The following TMEM163 variants were observed in gnomAD, a reference collection of about 807,000 sequenced individuals.
TMEM163 encodes the protein transmembrane protein 163.
Under a neutral mutation model 29.3 loss-of-function variants are expected in TMEM163, and 17 were observed. The ratio of observed to expected loss-of-function variants is 0.58; its 90% CI spans 0.40 to 0.87. TMEM163 has a LOEUF of 0.87. Among genes scored for constraint, TMEM163 ranks in the 40% least tolerant of loss-of-function variants. The probability of loss-of-function intolerance (pLI) is 0.00; values close to 1 mark genes in which losing one functional copy is unlikely to be tolerated. For missense variants in TMEM163, 303 were observed against 381.5 expected (o/e 0.79, Z 1.71); for synonymous variants, 157 against 160.6 (o/e 0.98, Z 0.17).
At chr2:134,543,803 G>A (rs1292571162) in intron 4 of TMEM163, among the ~76,000 whole-genome samples, 1 of 152,122 alleles carries the variant, frequency 6.6e-6, no homozygotes, top group Non-Finnish European at 1.5e-5. Flanking sequence ...CGGTGGGCCT[G>A]TCTATTTCAC....
chr2:134,471,664 G>C (rs1484901110), intron 5 of TMEM163, among the ~76,000 whole-genome samples: 1 of 152,188 alleles, frequency 6.6e-6, no homozygotes, highest in Non-Finnish European at 1.5e-5. Flanking sequence ...AGCAGACATG[G>C]AGACATGGCT....
chr2:134,519,339 A>AT (rs369430089), intron 4 of TMEM163, among the ~76,000 whole-genome samples: 1 of 152,264 alleles, frequency 6.6e-6, no homozygotes, highest in East Asian at 1.9e-4. Context: ...GGCAGCCTTG[A>AT]TAAGTCTGTC....
At chr2:134,636,627 C>A (rs1683110708) in intron 2 of TMEM163, among the ~76,000 whole-genome samples, 1 of 152,182 alleles carries the variant, frequency 6.6e-6, no homozygotes, top group Non-Finnish European at 1.5e-5. Context: ...CCAAAACAAA[C>A]CTCCTTCTTG....
chr2:134,511,937 C>G (rs772449107), intron 4 of TMEM163, among the ~76,000 whole-genome samples: 8 of 152,170 alleles, frequency 5.3e-5, no homozygotes, highest in Admixed American at 1.3e-4. Context: ...GAGTGAACAG[C>G]TTTTGCTGAA....
chr2:134,535,493 T>C (rs1041353630), intron 4 of TMEM163, among the ~76,000 whole-genome samples: 1 of 152,174 alleles, frequency 6.6e-6, no homozygotes, highest in Non-Finnish European at 1.5e-5. Flanking sequence ...CTTTCAGAGA[T>C]TTCCCCCTCT....
intron 4 of TMEM163, among the ~76,000 whole-genome samples, chr2:134,506,532 A>G (rs1260994188): frequency 3.9e-5 from 6 of 152,124 alleles, no homozygotes; most frequent in Non-Finnish European, 7.4e-5. Flanking sequence ...GTGTTTAAAA[A>G]TGGAGGAGTC....
chr2:134,672,000 T>C (rs1468612278), intron 2 of TMEM163, among the ~76,000 whole-genome samples: 1 of 152,260 alleles, frequency 6.6e-6, no homozygotes, highest in Non-Finnish European at 1.5e-5. Context: ...TAATTATTAT[T>C]CATTATTATC....
At chr2:134,581,538 C>G (rs2104794707) in intron 2 of TMEM163, among the ~76,000 whole-genome samples, 1 of 152,346 alleles carries the variant, frequency 6.6e-6, no homozygotes, top group East Asian at 1.9e-4. Flanking sequence ...CCACCCCACT[C>G]TGGCTGCATT....
At chr2:134,715,990 T>C (rs1276516072) in intron 1 of TMEM163, among the ~76,000 whole-genome samples, 2 of 152,188 alleles carry the variant, frequency 1.3e-5, no homozygotes, top group Middle Eastern at 3.2e-3. Flanking sequence ...CAAATACATA[T>C]GGAGAGGCTG....
chr2:134,557,822 G>C (rs1681082170), intron 2 of TMEM163, among the ~76,000 whole-genome samples: 2 of 152,134 alleles, frequency 1.3e-5, no homozygotes, highest in African/African-American at 2.4e-5. Context: ...AATTGTGAGG[G>C]AGGTATGTAG....
intron 4 of TMEM163, among the ~76,000 whole-genome samples, chr2:134,523,757 T>C (rs530806408): frequency 2.0e-5 from 3 of 152,002 alleles, no homozygotes; most frequent in African/African-American, 4.8e-5. Context: ...TGGGGAGGGG[T>C]CCTGAAACCC....
intron 2 of TMEM163, among the ~76,000 whole-genome samples, chr2:134,618,603 T>C (rs904663857): frequency 6.6e-6 from 1 of 152,086 alleles, no homozygotes; most frequent in African/African-American, 2.4e-5. Flanking sequence ...CAGATGCATA[T>C]GGAACATTCT....
At chr2:134,685,625 C>T (rs1469887725) in intron 2 of TMEM163, among the ~76,000 whole-genome samples, 2 of 152,282 alleles carry the variant, frequency 1.3e-5, no homozygotes, top group African/African-American at 4.8e-5. Context: ...CTGGAGAACC[C>T]GTCACCACAG....
At chr2:134,585,736 C>G (rs373513499) in intron 2 of TMEM163, among the ~76,000 whole-genome samples, 2 of 114,484 alleles carry the variant, frequency 1.7e-5, no homozygotes, top group Non-Finnish European at 3.4e-5. Context: ...AGCGAGACTC[C>G]GTCTCAAAAA....
chr2:134,594,899 T>C (rs917925984), intron 2 of TMEM163, among the ~76,000 whole-genome samples: 5 of 151,076 alleles, frequency 3.3e-5, no homozygotes, highest in Non-Finnish European at 5.9e-5. Flanking sequence ...CTCTCTCTCC[T>C]CTCTCTCAGA....
intron 2 of TMEM163, among the ~76,000 whole-genome samples, chr2:134,575,045 G>C (rs773143145): frequency 1.3e-5 from 2 of 151,930 alleles, no homozygotes; most frequent in African/African-American, 4.8e-5. Context: ...GGGGCTCTGT[G>C]GGGGGGTGGG....
chr2:134,619,328 T>C (rs1682677626), intron 2 of TMEM163, among the ~76,000 whole-genome samples: 1 of 152,230 alleles, frequency 6.6e-6, no homozygotes, highest in African/African-American at 2.4e-5. Flanking sequence ...CAATGTCCTT[T>C]ATGAATGTAG....
chr2:134,606,082 G>A (rs1025163532), intron 2 of TMEM163, among the ~76,000 whole-genome samples: 5 of 152,130 alleles, frequency 3.3e-5, no homozygotes, highest in African/African-American at 4.8e-5. Flanking sequence ...CTGAAAATGG[G>A]TTAGTTTTGG....
chr2:134,480,418 T>C (rs1417529121), intron 5 of TMEM163, among the ~76,000 whole-genome samples: 1 of 152,228 alleles, frequency 6.6e-6, no homozygotes, highest in East Asian at 1.9e-4. Context: ...TTTCTTCTTT[T>C]TTTTAATAGC....
Sources: gnomAD v4.1 joint callset for allele counts (sites outside exome capture counted in the v4.1 genomes callset) on GRCh38, gnomAD v4.1.1 for gene constraint, MANE v1.5 for transcripts, NCBI Gene and HGNC (gene_info 2026-07-23, HGNC 2026-07-21) for gene names.